Variants in KIAA0586 observed in about 807,000 individuals in gnomAD.
The protein encoded by KIAA0586 is protein TALPID3.
A neutral mutation model predicts 169.8 loss-of-function variants in KIAA0586; 144 were observed. That is an observed-to-expected ratio of 0.85 (90% CI 0.74 to 0.97). The LOEUF is 0.97. Ranked by LOEUF, KIAA0586 falls within the 50% of genes least tolerant of loss-of-function variation. KIAA0586 has a pLI of 0.00. For missense variants in KIAA0586, 1,854 were observed against 1,823.0 expected (o/e 1.02, Z -0.31); for synonymous variants, 625 against 612.4 (o/e 1.02, Z -0.30).
intron 29 of KIAA0586, among the ~76,000 whole-genome samples, chr14:58,520,363 A>C (rs1438885237): frequency 1.3e-5 from 2 of 152,010 alleles, no homozygotes; most frequent in Non-Finnish European, 2.9e-5. Flanking sequence ...ACCCTCCCCA[A>C]CCCTAACCCT....
intron 2 of KIAA0586, among the ~76,000 whole-genome samples, chr14:58,429,710 GGT>G (rs913774657): frequency 5.9e-5 from 9 of 152,090 alleles, no homozygotes; most frequent in Admixed American, 3.9e-4. Flanking sequence ...TCAGGGAAAA[GGT>G]GTTCTTGCCC....
chr14:58,491,884 T>A (rs1743701), intron 25 of KIAA0586, among the ~76,000 whole-genome samples: 4 of 152,190 alleles, frequency 2.6e-5, no homozygotes, highest in African/African-American at 7.2e-5. Flanking sequence ...TGGGACAGAC[T>A]GTTTGATTTT....
chr14:58,539,351 A>G (rs780606625), intron 29 of KIAA0586, among the ~76,000 whole-genome samples: 1 of 152,130 alleles, frequency 6.6e-6, no homozygotes, highest in Non-Finnish European at 1.5e-5. Flanking sequence ...TTTTTTTCAT[A>G]TCACCCTACC....
At chr14:58,505,108 A>AT in intron 27 of KIAA0586, among the ~76,000 whole-genome samples, 1 of 152,184 alleles carries the variant, frequency 6.6e-6, no homozygotes, top group Admixed American at 6.5e-5. Context: ...AGATTCTGGC[A>AT]TATAACCTTC....
At chr14:58,477,361 C>A in intron 20 of KIAA0586, 120 bp downstream of exon 20, 1 of 601,792 alleles carries the variant, frequency 1.7e-6, no homozygotes, top group Non-Finnish European at 2.9e-6. Flanking sequence ...GCTCTTCTAA[C>A]CTTACTTCTT....
chr14:58,552,727 A>C (rs572726512), downstream of KIAA0586, among the ~76,000 whole-genome samples: 1 of 152,320 alleles, frequency 6.6e-6, no homozygotes, highest in African/African-American at 2.4e-5. Flanking sequence ...GCTGGTAAGG[A>C]GTCTATGTAC....
chr14:58,507,757 T>C (rs910307228), intron 27 of KIAA0586, among the ~76,000 whole-genome samples: 1 of 139,340 alleles, frequency 7.2e-6, no homozygotes, highest in African/African-American at 2.7e-5. Context: ...TTTACTGATT[T>C]GACTGAGGTG....
chr14:58,488,013 C>A lies in KIAA0586; in HGVS notation c.3431C>A (p.Ser1144Ter), dbSNP rs749240324. 1 of 1,611,302 alleles carries A rather than the reference C, an allele frequency of 6.2e-7. No individual in the cohort carries two copies. Among genetic ancestry groups the A allele is most frequent in the Non-Finnish European group, 8.5e-7 (1 of 1,178,734 alleles). ...ATTTCCATTGATAAATTGAAGGTAT[C>A]AAGCCCAGAGCTTCCCAAGCCATGG... is the stretch of plus-strand genomic sequence containing the variant. ...SDISIDKLKV[S>*]SPELPKPWGD... Residue 1144 changes from serine (S) to a stop codon, truncating the protein, a stop_gained, in exon 23 of 31, where the codon TCA becomes TAA. Transcript: ENST00000652326. LOFTEE classifies it high-confidence loss of function.
downstream of KIAA0586, among the ~76,000 whole-genome samples, chr14:58,554,844 GC>G (rs1210567768): frequency 6.6e-6 from 1 of 152,120 alleles, no homozygotes; most frequent in East Asian, 1.9e-4. Context: ...GCCAGATTTG[GC>G]CCATGGGCTG....
At position 58,467,870 on chromosome 14, in the gene KIAA0586, C is replaced by T; in HGVS notation, c.2390C>T (p.Ala797Val). ...VETGVKKPNI[A>V]IVEMKSEKKD... ...ACTGGAGTAAAGAAACCTAACATAG[C>T]CATTGTAGAAATGAAGTCAGAAAAA... is the stretch of plus-strand genomic sequence containing the variant. Residue 797 changes from alanine to valine, a missense_variant, in exon 16 of 31, where the codon GCC becomes GTC. Ala to Val is a moderately conservative substitution (Grantham distance 64, BLOSUM62 0). Transcript: ENST00000652326. The T allele has an allele frequency of 6.2e-7, 1 of 1,613,610 alleles. No homozygotes were observed. Among genetic ancestry groups the T allele is most frequent in the African/African-American group, 1.3e-5 (1 of 74,972 alleles).
intron 19 of KIAA0586, among the ~76,000 whole-genome samples, chr14:58,475,594 A>G (rs1030694233): frequency 9.2e-5 from 14 of 152,230 alleles, no homozygotes; most frequent in Non-Finnish European, 1.8e-4. Flanking sequence ...AACTTGTTAC[A>G]TATGAATATG....
chr14:58,438,125 G>C (rs1021837140), intron 4 of KIAA0586, among the ~76,000 whole-genome samples: 3 of 152,158 alleles, frequency 2.0e-5, no homozygotes, highest in African/African-American at 4.8e-5. Context: ...GGGATGTTCA[G>C]TGGGTTTAAG....
Position 58,427,738 on chromosome 14 carries a change from C to A in KIAA0586, c.-527C>A, listed in dbSNP as rs758022351. The A allele has an allele frequency of 4.6e-6, 7 of 1,533,796 alleles. No individual in the cohort carries two copies. The highest frequency in any genetic ancestry group is 6.1e-6 in the Non-Finnish European group (7 of 1,146,502). ...ACTGACGCTGTTGTCAGATTACACCCACGACGGTGCGGGTCTCGGGCGTTC... is the reference window on the plus strand; with the variant it reads ...ACTGACGCTGTTGTCAGATTACACCAACGACGGTGCGGGTCTCGGGCGTTC... On this transcript the variant is annotated 5_prime_UTR_variant, in exon 1 of 31. Transcript: ENST00000652326.
Position 58,430,722 on chromosome 14 carries a change from A to G in KIAA0586, c.340+5A>G. On this transcript the variant is annotated splice_donor_5th_base_variant and intron_variant, in intron 3 of 30. Coordinates refer to ENST00000652326, the MANE Select transcript of KIAA0586 (RefSeq NM_001329943.3). ...AAGAGAACAACAAGCAAAAAGGTAA[A>G]AGAATAATATTGATTTTTTTAAATT... 1 of 1,537,336 alleles carries G rather than the reference A, an allele frequency of 6.5e-7. No homozygotes were observed. Among genetic ancestry groups the G allele is most frequent in the South Asian group, 1.1e-5 (1 of 87,366 alleles).
chr14:58,489,085 A>G (rs897847853), intron 24 of KIAA0586, among the ~76,000 whole-genome samples: 1 of 152,098 alleles, frequency 6.6e-6, no homozygotes, highest in Admixed American at 6.6e-5. Context: ...CAGAAATAAT[A>G]TCACTATTAA....
At chr14:58,508,443 A>C (rs1353698208) in intron 27 of KIAA0586, 112 bp from the exon 28 acceptor site, 2 of 797,624 alleles carry the variant, frequency 2.5e-6, no homozygotes, top group Admixed American at 2.7e-5. Flanking sequence ...GTACACTGCT[A>C]GTTCTAATTC....
At chr14:58,527,712 G>C (rs2045688424) in intron 29 of KIAA0586, among the ~76,000 whole-genome samples, 1 of 152,116 alleles carries the variant, frequency 6.6e-6, no homozygotes, top group African/African-American at 2.4e-5. Context: ...GGAAGCACTA[G>C]ACATGGCAAG....
rs148088143 is a variant in KIAA0586 at position 58,477,597 on chromosome 14, C to G, written c.2944+356C>G. 1.5e-3 allele frequency among the ~76,000 whole-genome samples: 223 copies of G among 152,256 alleles called. 1 individual carries two copies. The highest frequency in any genetic ancestry group is 5.1e-3 in the African/African-American group (214 of 41,558). ...TTACTCAGGATTTAAGGATGTTTCTCCTTTTGTGCCTAGTCCTTGCCTGAT... is the reference window on the plus strand; with the variant it reads ...TTACTCAGGATTTAAGGATGTTTCTGCTTTTGTGCCTAGTCCTTGCCTGAT... On this transcript the variant is annotated intron_variant, in intron 20 of 30. Transcript: ENST00000652326.
intron 4 of KIAA0586, among the ~76,000 whole-genome samples, chr14:58,439,343 C>T (rs1232742369): frequency 1.3e-5 from 2 of 152,162 alleles, no homozygotes; most frequent in Non-Finnish European, 2.9e-5. Flanking sequence ...CCTGCCACCA[C>T]GCCCGGCTAC....
Sources: gnomAD v4.1 joint callset for allele counts (sites outside exome capture counted in the v4.1 genomes callset) on GRCh38, gnomAD v4.1.1 for gene constraint, MANE v1.5 for transcripts, NCBI Gene and HGNC (gene_info 2026-07-23, HGNC 2026-07-21) for gene names.